The following SLC4A5 variants were observed in gnomAD, a reference collection of about 807,000 sequenced individuals.
SLC4A5 encodes solute carrier family 4 member 5.
In SLC4A5, 96 loss-of-function variants were observed where a neutral mutation model predicts 120.4. That is an observed-to-expected ratio of 0.80 (90% CI 0.68 to 0.94). The LOEUF (loss-of-function observed/expected upper bound fraction) is 0.94. Among genes scored for constraint, SLC4A5 ranks in the 40% least tolerant of loss-of-function variants. The probability of loss-of-function intolerance (pLI) is 0.00; values close to 1 mark genes in which losing one functional copy is unlikely to be tolerated. For missense variants in SLC4A5, 1,259 were observed against 1,459.5 expected (o/e 0.86, Z 2.24); for synonymous variants, 550 against 571.1 (o/e 0.96, Z 0.53).
At chr2:74,300,527 C>A (rs546846474) in intron 7 of SLC4A5, among the ~76,000 whole-genome samples, 6 of 152,266 alleles carry the variant, frequency 3.9e-5, no homozygotes, top group African/African-American at 1.2e-4. Context: ...TTAATTCTCC[C>A]AGCTGCCTTT....
In SLC4A5 at chr2:74,231,320, G is replaced by A; in HGVS notation, c.2775-12C>T. On this transcript the variant is annotated splice_polypyrimidine_tract_variant and intron_variant, in intron 24 of 30. Transcript: ENST00000394019. ...TTACTCTCTGTTCCCTGGCAGAGAA[G>A]AACACATGGTCAGGGTGTACCAGGA... 6.2e-7 allele frequency: 1 copy of A among 1,609,280 alleles called. No individual in the cohort carries two copies. Among genetic ancestry groups the A allele is most frequent in the Non-Finnish European group, 8.5e-7 (1 of 1,177,370 alleles).
intron 9 of SLC4A5, 134 bp downstream of exon 9, chr2:74,264,970 T>G: frequency 1.0e-6 from 1 of 996,810 alleles, no homozygotes; most frequent in Non-Finnish European, 1.5e-6. Flanking sequence ...AGCAACAGAG[T>G]CAAAGCTGGT....
intron 21 of SLC4A5, among the ~76,000 whole-genome samples, 183 bp from the exon 22 acceptor site, chr2:74,235,397 C>A (rs1368233317): frequency 6.6e-6 from 1 of 152,210 alleles, no homozygotes; most frequent in Non-Finnish European, 1.5e-5. Flanking sequence ...AGCGTGTCAT[C>A]TCTCCAAGAC....
intron 21 of SLC4A5, 41 bp from the exon 22 acceptor site, chr2:74,235,255 C>A: frequency 6.6e-7 from 1 of 1,521,106 alleles, no homozygotes; most frequent in South Asian, 1.1e-5. Context: ...GTGAGTAAAG[C>A]ACCCACCCAG....
At chr2:74,219,270 T>C (rs998283621) in intron 30 of SLC4A5, among the ~76,000 whole-genome samples, 3 of 151,744 alleles carry the variant, frequency 2.0e-5, no homozygotes, top group Non-Finnish European at 4.4e-5. Flanking sequence ...CTGCCTGAAA[T>C]GCCTTTTCTT....
In SLC4A5 at chr2:74,247,042, CA is replaced by C. The variant is rs1474457537; in HGVS notation, c.2052del (p.Asp685ThrfsTer3). Reference sequence around the variant, plus strand: ...GTCTGGGGTTACCGGTCACCTGTGTCAGGGGCGACACACTCGCACTTGTAGG... The same window carrying C: ...GTCTGGGGTTACCGGTCACCTGTGTCGGGGCGACACACTCGCACTTGTAGG... On this transcript the variant is annotated frameshift_variant, in exon 19 of 31. Coordinates refer to ENST00000394019, the Ensembl canonical transcript of SLC4A5. LOFTEE classifies it high-confidence loss of function. 2 of 1,613,562 alleles carry C rather than the reference CA, an allele frequency of 1.2e-6. No individual in the cohort carries two copies. Among genetic ancestry groups the C allele is most frequent in the Admixed American group, 1.7e-5 (1 of 59,984 alleles).
intron 21 of SLC4A5, among the ~76,000 whole-genome samples, chr2:74,236,017 T>C (rs971450380): frequency 3.3e-5 from 5 of 152,162 alleles, no homozygotes; most frequent in Non-Finnish European, 7.3e-5. Context: ...ATCCCCCTTT[T>C]CTCTTTAAAT....
At chr2:74,257,971 G>C (rs1018903474) in intron 12 of SLC4A5, among the ~76,000 whole-genome samples, 1 of 152,196 alleles carries the variant, frequency 6.6e-6, no homozygotes, top group Non-Finnish European at 1.5e-5. Context: ...AGAAGGCCAG[G>C]GTTGTGGCAT....
chr2:74,248,497 A>G lies in SLC4A5; in HGVS notation c.1654-11T>C, dbSNP rs749455502. 1.2e-6 allele frequency: 2 copies of G among 1,613,752 alleles called. No individual in the cohort carries two copies. Among genetic ancestry groups the G allele is most frequent in the South Asian group, 1.1e-5 (1 of 91,040 alleles). ...GCTCTCCATCACTCCCTGGGGGCACAAGGAATGTGTGGTTCAGCATAGGAA... is the reference window on the plus strand; with the variant it reads ...GCTCTCCATCACTCCCTGGGGGCACGAGGAATGTGTGGTTCAGCATAGGAA... On this transcript the variant is annotated splice_polypyrimidine_tract_variant and intron_variant, in intron 17 of 30. Transcript: ENST00000394019.
At chr2:74,250,795 G>A (rs1670767244) in intron 16 of SLC4A5, 1 of 347,198 alleles carries the variant, frequency 2.9e-6, no homozygotes, top group South Asian at 4.1e-5. Flanking sequence ...AACATTCCAT[G>A]GAGAATGGAA....
intron 6 of SLC4A5, chr2:74,307,224 TCTCGG>T: frequency 3.8e-6 from 2 of 525,400 alleles, no homozygotes; most frequent in Admixed American, 5.1e-5. Flanking sequence ...GTCTGGCTCC[TCTCGG>T]CTCTTCTGAG....
intron 5 of SLC4A5, among the ~76,000 whole-genome samples, chr2:74,322,188 GAA>G (rs56951215): frequency 7.2e-6 from 1 of 138,554 alleles, no homozygotes; most frequent in Admixed American, 7.2e-5. Context: ...CCTGTTATCT[GAA>G]AAAAAAAAAA....
intron 19 of SLC4A5, among the ~76,000 whole-genome samples, 185 bp from the exon 20 acceptor site, chr2:74,242,237 G>A (rs971267792): frequency 2.2e-4 from 33 of 152,294 alleles, no homozygotes; most frequent in African/African-American, 7.7e-4. Flanking sequence ...ACAGAGCCTG[G>A]GCCACAGCTC....
intron 27 of SLC4A5, 55 bp downstream of exon 27, chr2:74,226,901 CT>C: frequency 6.3e-7 from 1 of 1,583,188 alleles, no homozygotes; most frequent in Non-Finnish European, 8.6e-7. Context: ...CGCTGCACCT[CT>C]GGGTTGCCCA....
At chr2:74,288,846 G>A (rs1367582399) in intron 7 of SLC4A5, among the ~76,000 whole-genome samples, 1 of 152,132 alleles carries the variant, frequency 6.6e-6, no homozygotes, top group Non-Finnish European at 1.5e-5. Context: ...CATCAACCCA[G>A]CCCTGCTCTC....
intron 16 of SLC4A5, 44 bp downstream of exon 16, chr2:74,252,135 A>G (rs1670810796): frequency 8.8e-6 from 14 of 1,588,200 alleles, no homozygotes; most frequent in Non-Finnish European, 1.1e-5. Flanking sequence ...AGAAGGGAGA[A>G]GTCTAAAGGA....
chr2:74,265,330 C>T (rs1246271805), intron 8 of SLC4A5, 66 bp from the exon 9 acceptor site: 3 of 1,563,004 alleles, frequency 1.9e-6, no homozygotes, highest in Non-Finnish European at 1.7e-6. Flanking sequence ...CCTGGGTCTC[C>T]CCAAAAGAGG....
intron 7 of SLC4A5, among the ~76,000 whole-genome samples, chr2:74,303,307 G>A (rs1487439747): frequency 6.6e-6 from 1 of 152,122 alleles, no homozygotes. Flanking sequence ...AGCTCCCATG[G>A]CCTGTGAGAG....
chr2:74,337,036 A>C (rs1429693291), intron 3 of SLC4A5, among the ~76,000 whole-genome samples: 1 of 152,150 alleles, frequency 6.6e-6, no homozygotes, highest in Non-Finnish European at 1.5e-5. Context: ...CCTGCCCCTC[A>C]CTCATATCCA....
Sources: allele counts gnomAD v4.1 joint callset (sites outside exome capture counted in the v4.1 genomes callset), GRCh38; gene constraint gnomAD v4.1.1; transcripts MANE v1.5; gene names NCBI Gene and HGNC (gene_info 2026-07-23, HGNC 2026-07-21).